FRAS1: variants seen among roughly 807,000 people sequenced by gnomAD.
The protein encoded by FRAS1 is extracellular matrix organizing protein FRAS1.
A neutral mutation model predicts 435.2 loss-of-function variants in FRAS1; 290 were observed. That is an observed-to-expected ratio of 0.67 (90% CI 0.61 to 0.73). The LOEUF is 0.73. Ranked by LOEUF, FRAS1 falls within the 30% of genes least tolerant of loss-of-function variation. The pLI, the probability that FRAS1 is intolerant of heterozygous loss-of-function variation, is 0.00. For missense variants in FRAS1, 4,860 were observed against 5,001.5 expected (o/e 0.97, Z 0.85); for synonymous variants, 1,800 against 1,851.0 (o/e 0.97, Z 0.71).
intron 2 of FRAS1, among the ~76,000 whole-genome samples, chr4:78,141,306 T>A (rs1043989570): frequency 6.6e-6 from 1 of 152,204 alleles, no homozygotes; most frequent in South Asian, 2.1e-4. Context: ...ACTATCCTTG[T>A]CACCTTTATT....
chr4:78,513,699 T>C, intron 65 of FRAS1, 147 bp downstream of exon 65: 1 of 709,250 alleles, frequency 1.4e-6, no homozygotes, highest in Non-Finnish European at 2.4e-6. Context: ...CACATGCAAA[T>C]GCCATCAGTT....
intron 2 of FRAS1, among the ~76,000 whole-genome samples, chr4:78,214,678 T>C (rs1018836544): frequency 2.6e-5 from 4 of 152,230 alleles, no homozygotes; most frequent in Admixed American, 2.0e-4. Context: ...AGGTTGCTTG[T>C]GCCAAAGCCA....
intron 2 of FRAS1, among the ~76,000 whole-genome samples, chr4:78,125,983 C>T (rs1347376046): frequency 6.6e-6 from 1 of 152,214 alleles, no homozygotes; most frequent in Non-Finnish European, 1.5e-5. Flanking sequence ...GCCCTGCCCC[C>T]AGAGGTGGAA....
chr4:78,491,714 T>C (rs967348515), intron 59 of FRAS1, among the ~76,000 whole-genome samples: 1 of 152,200 alleles, frequency 6.6e-6, no homozygotes, highest in Non-Finnish European at 1.5e-5. Flanking sequence ...TGGCAAAAGC[T>C]GGAAGTATTC....
intron 9 of FRAS1, among the ~76,000 whole-genome samples, chr4:78,270,247 G>A (rs35291597): frequency 0.29 from 44,224 of 152,034 alleles, 7,055 homozygotes; most frequent in East Asian, 0.38. Flanking sequence ...CAGGAGCAGC[G>A]CTTGCTGTTA....
chr4:78,232,878 TC>T (rs2110110003), intron 2 of FRAS1, among the ~76,000 whole-genome samples: 1 of 152,320 alleles, frequency 6.6e-6, no homozygotes, highest in Non-Finnish European at 1.5e-5. Flanking sequence ...AAATGAGATC[TC>T]CTTGTTTGAA....
At chr4:78,114,461 A>G (rs987003040) in intron 2 of FRAS1, among the ~76,000 whole-genome samples, 14 of 152,180 alleles carry the variant, frequency 9.2e-5, no homozygotes, top group Non-Finnish European at 1.8e-4. Context: ...CCTGCTCATG[A>G]GCATGGAATG....
chr4:78,304,283 T>A (rs1185508417), intron 14 of FRAS1, among the ~76,000 whole-genome samples: 2 of 152,240 alleles, frequency 1.3e-5, no homozygotes, highest in Non-Finnish European at 2.9e-5. Flanking sequence ...TATTTTTGCA[T>A]CAATGTTCAT....
chr4:78,125,768 A>G (rs1009872253), intron 2 of FRAS1, among the ~76,000 whole-genome samples: 1 of 152,066 alleles, frequency 6.6e-6, no homozygotes, highest in African/African-American at 2.4e-5. Flanking sequence ...CCCAGAGGGC[A>G]CCCGCCTGTT....
intron 32 of FRAS1, among the ~76,000 whole-genome samples, chr4:78,414,591 C>T (rs968387125): frequency 7.2e-5 from 11 of 152,134 alleles, no homozygotes; most frequent in Admixed American, 5.2e-4. Context: ...TCAATTTAGT[C>T]ATTTAGTCTC....
chr4:78,065,732 T>C (rs1307347457), intron 1 of FRAS1, among the ~76,000 whole-genome samples: 1 of 152,212 alleles, frequency 6.6e-6, no homozygotes, highest in Non-Finnish European at 1.5e-5. Flanking sequence ...CATGTCGTTA[T>C]AAACACATTT....
intron 68 of FRAS1, among the ~76,000 whole-genome samples, chr4:78,521,880 T>C (rs1721397397): frequency 6.6e-6 from 1 of 152,232 alleles, no homozygotes; most frequent in South Asian, 2.1e-4. Flanking sequence ...CATTCTCTTA[T>C]AGAATCACAA....
chr4:78,320,897 G>A (rs958394142), intron 18 of FRAS1, among the ~76,000 whole-genome samples: 6 of 152,054 alleles, frequency 3.9e-5, no homozygotes, highest in African/African-American at 1.4e-4. Context: ...AGCTAGAAAA[G>A]CCCACAAGAA....
chr4:78,341,155 G>T (rs573948835), intron 20 of FRAS1, among the ~76,000 whole-genome samples: 1 of 152,296 alleles, frequency 6.6e-6, no homozygotes, highest in South Asian at 2.1e-4. Flanking sequence ...CTTTCCGGAG[G>T]ATGTCACAAC....
Position 78,448,367 on chromosome 4 carries a change from T to C in FRAS1, c.6274+51T>C. 4 of 1,499,708 alleles carry C rather than the reference T, an allele frequency of 2.7e-6. No individual in the cohort carries two copies. In the South Asian group the frequency reaches 4.0e-5, roughly 15 times the overall value. 92.9% of individuals were successfully genotyped at this position (1,499,708 alleles called of 1,614,324 possible). The stretch of plus-strand genomic sequence containing the variant: ...CCATGGTTTTTCTATCCTTATTTCT[T>C]CTTTGTCCAGTATGCAGTACTTTCT... On this transcript the variant is annotated intron_variant, in intron 44 of 73. Transcript: ENST00000512123.
At chr4:78,138,584 T>C (rs1375374044) in intron 2 of FRAS1, among the ~76,000 whole-genome samples, 1 of 152,186 alleles carries the variant, frequency 6.6e-6, no homozygotes, top group African/African-American at 2.4e-5. Flanking sequence ...AACTATTATA[T>C]AATAATTCCC....
intron 2 of FRAS1, among the ~76,000 whole-genome samples, chr4:78,153,029 A>AGAGT (rs1368937275): frequency 6.6e-6 from 1 of 152,026 alleles, no homozygotes; most frequent in Admixed American, 6.6e-5. Flanking sequence ...TTGTTGCTGT[A>AGAGT]GTGTAACAGC....
intron 24 of FRAS1, 139 bp from the exon 25 acceptor site, chr4:78,373,972 C>G (rs1731614200): frequency 1.5e-6 from 1 of 661,698 alleles, no homozygotes; most frequent in South Asian, 5.1e-5. Flanking sequence ...AGAACCCAGA[C>G]TCCTTGACTC....
intron 2 of FRAS1, among the ~76,000 whole-genome samples, chr4:78,171,813 A>G (rs1037398667): frequency 2.6e-5 from 4 of 152,142 alleles, no homozygotes; most frequent in East Asian, 3.9e-4. Flanking sequence ...CCCTCCTCAC[A>G]TAATACTGTG....
Sources: gnomAD v4.1 joint callset for allele counts (sites outside exome capture counted in the v4.1 genomes callset) on GRCh38, gnomAD v4.1.1 for gene constraint, MANE v1.5 for transcripts, NCBI Gene and HGNC (gene_info 2026-07-23, HGNC 2026-07-21) for gene names.